Variants in TCF7L2 observed in about 807,000 individuals in gnomAD.
The protein encoded by TCF7L2 is transcription factor 7-like 2.
Under a neutral mutation model 77.9 loss-of-function variants are expected in TCF7L2, and 23 were observed. The observed-to-expected ratio is 0.30, with a 90% confidence interval of 0.21 to 0.42. TCF7L2 has a LOEUF of 0.42. Ranked by LOEUF, TCF7L2 falls within the 10% of genes least tolerant of loss-of-function variation. The probability of loss-of-function intolerance (pLI) is 1.00; values close to 1 mark genes in which losing one functional copy is unlikely to be tolerated. For synonymous variants in TCF7L2, 413 were observed against 340.2 expected (o/e 1.21, Z -2.36); for missense variants, 654 against 793.1 (o/e 0.82, Z 2.11).
intron 5 of TCF7L2, among the ~76,000 whole-genome samples, chr10:113,074,869 C>T (rs1390840541): frequency 6.6e-6 from 1 of 152,154 alleles, no homozygotes; most frequent in East Asian, 1.9e-4. Context: ...CTCATGGGCA[C>T]AGGGCAGGGA....
At chr10:113,105,296 C>T (rs879586044) in intron 5 of TCF7L2, among the ~76,000 whole-genome samples, 1 of 152,092 alleles carries the variant, frequency 6.6e-6, no homozygotes. Flanking sequence ...CGGCTTGAGT[C>T]GAAGTCGGCT....
At chr10:113,041,099 GCTAA>G (rs1327957932) in intron 5 of TCF7L2, among the ~76,000 whole-genome samples, 2 of 152,138 alleles carry the variant, frequency 1.3e-5, no homozygotes, top group Admixed American at 6.5e-5. Context: ...GCCATTTTGG[GCTAA>G]CTGCCTCCTT....
intron 5 of TCF7L2, among the ~76,000 whole-genome samples, chr10:113,124,569 T>G (rs2065282077): frequency 6.6e-6 from 1 of 152,162 alleles, no homozygotes; most frequent in Non-Finnish European, 1.5e-5. Context: ...TATATCTATG[T>G]ATGCATATAT....
intron 4 of TCF7L2, among the ~76,000 whole-genome samples, chr10:113,038,323 G>A (rs1006545429): frequency 1.3e-5 from 2 of 152,086 alleles, no homozygotes; most frequent in Non-Finnish European, 2.9e-5. Context: ...AGACACAACC[G>A]GACTAATAAC....
rs116536480 is a variant in TCF7L2, at chr10:113,091,192, G to A, written c.553-49992G>A. Among the ~76,000 whole-genome samples, 1,256 of 152,228 alleles carry A rather than the reference G, an allele frequency of 8.3e-3. 21 individuals are homozygous for A. The highest frequency in any genetic ancestry group is 0.028 in the African/African-American group (1,160 of 41,534). ...GCTAGGATTACAGGCGTGAGCCACC[G>A]TGTCTGGCCGATAATCTCTTAATAT... is the stretch of plus-strand genomic sequence containing the variant. On this transcript the variant is annotated intron_variant, in intron 5 of 13. Transcript: ENST00000627217.
chr10:112,966,735 G>C (rs1006879856), intron 4 of TCF7L2, among the ~76,000 whole-genome samples: 4 of 152,290 alleles, frequency 2.6e-5, no homozygotes, highest in East Asian at 3.9e-4. Flanking sequence ...CGAGCAGTTC[G>C]TCTTTCTCCA....
intron 5 of TCF7L2, among the ~76,000 whole-genome samples, chr10:113,105,529 G>C (rs1251051212): frequency 6.6e-6 from 1 of 152,134 alleles, no homozygotes; most frequent in Admixed American, 6.5e-5. Flanking sequence ...CGTGGCTATT[G>C]TTCTGACTGC....
chr10:113,155,217 G>T (rs1481019674), intron 11 of TCF7L2, among the ~76,000 whole-genome samples: 1 of 152,134 alleles, frequency 6.6e-6, no homozygotes, highest in Middle Eastern at 3.2e-3. Context: ...CTTCTTTAGA[G>T]CCCAAGAGAA....
chr10:112,953,767 C>G (rs1224319387), intron 3 of TCF7L2, among the ~76,000 whole-genome samples: 1 of 152,168 alleles, frequency 6.6e-6, no homozygotes, highest in Non-Finnish European at 1.5e-5. Flanking sequence ...TCCCAATGAT[C>G]GGTCCCTTTT....
rs34407643 is a variant in TCF7L2 at position 113,139,811 on chromosome 10, TA to T, written c.553-1354del. The stretch of plus-strand genomic sequence containing the variant: ...ATATTACATTCCTTCCTCACCCATT[TA>T]AAAAAAAAAAAAAAAAAAGGACAAG... On this transcript the variant is annotated intron_variant, in intron 5 of 13. Coordinates refer to ENST00000627217, the MANE Select transcript of TCF7L2 (RefSeq NM_001146274.2). Among the ~76,000 whole-genome samples, 445 of 138,372 alleles carry T rather than the reference TA, an allele frequency of 3.2e-3. 6 individuals are homozygous for T. In the East Asian group the frequency reaches 0.04, roughly 13 times the overall value. 90.8% of individuals were successfully genotyped at this position (138,372 alleles called of 152,430 possible).
At chr10:113,101,083 GA>G (rs139885817) in intron 5 of TCF7L2, among the ~76,000 whole-genome samples, 98 of 152,052 alleles carry the variant, frequency 6.4e-4, no homozygotes, top group East Asian at 1.9e-3. Flanking sequence ...CTCAAGGGGG[GA>G]AAAAATCCAT....
At chr10:113,087,227 G>A (rs1363042791) in intron 5 of TCF7L2, among the ~76,000 whole-genome samples, 1 of 152,190 alleles carries the variant, frequency 6.6e-6, no homozygotes, top group African/African-American at 2.4e-5. Flanking sequence ...TTTCCTCTAA[G>A]AGTAAAGGCC....
At chr10:112,988,236 T>C (rs1236706434) in intron 4 of TCF7L2, among the ~76,000 whole-genome samples, 1 of 151,870 alleles carries the variant, frequency 6.6e-6, no homozygotes, top group African/African-American at 2.4e-5. Flanking sequence ...TAGCTGGGAT[T>C]ACAGGTGCCT....
intron 5 of TCF7L2, chr10:113,132,835 C>T (rs895318440): frequency 1.3e-5 from 2 of 152,166 alleles, no homozygotes; most frequent in African/African-American, 4.8e-5. Flanking sequence ...GGTGAAGTGG[C>T]TGGTTCTTCA....
At chr10:113,037,768 C>T (rs930067638) in intron 4 of TCF7L2, among the ~76,000 whole-genome samples, 1 of 152,166 alleles carries the variant, frequency 6.6e-6, no homozygotes, top group Non-Finnish European at 1.5e-5. Context: ...AAGATGAAAA[C>T]TTGTCCACCA....
intron 4 of TCF7L2, among the ~76,000 whole-genome samples, chr10:113,017,007 C>G (rs1205818436): frequency 6.6e-6 from 1 of 152,128 alleles, no homozygotes; most frequent in South Asian, 2.1e-4. Context: ...GCAAAGAGCC[C>G]CCAGCAAGCA....
chr10:113,070,749 G>A (rs1174337867), intron 5 of TCF7L2, among the ~76,000 whole-genome samples: 2 of 152,102 alleles, frequency 1.3e-5, no homozygotes, highest in African/African-American at 2.4e-5. Context: ...GTTAAAGCAA[G>A]GAACCCTCCT....
At chr10:113,046,179 G>T (rs542854941) in intron 5 of TCF7L2, among the ~76,000 whole-genome samples, 1 of 152,256 alleles carries the variant, frequency 6.6e-6, no homozygotes, top group Non-Finnish European at 1.5e-5. Flanking sequence ...TGAGGTTTGG[G>T]TTCATGGTGT....
chr10:113,041,551 G>C (rs952621050), intron 5 of TCF7L2, among the ~76,000 whole-genome samples: 1 of 152,150 alleles, frequency 6.6e-6, no homozygotes, highest in Non-Finnish European at 1.5e-5. Context: ...CTCTCCTACA[G>C]GAGGTGAAAA....
Sources: allele counts gnomAD v4.1 joint callset (sites outside exome capture counted in the v4.1 genomes callset), GRCh38; gene constraint gnomAD v4.1.1; transcripts MANE v1.5; gene names NCBI Gene and HGNC (gene_info 2026-07-23, HGNC 2026-07-21).